MYO9A: variants seen among roughly 807,000 people sequenced by gnomAD.
MYO9A encodes unconventional myosin-IXa.
In MYO9A, 103 loss-of-function variants were observed where a neutral mutation model predicts 293.3. The observed-to-expected ratio is 0.35, with a 90% CI of 0.30 to 0.41. The LOEUF (loss-of-function observed/expected upper bound fraction) is 0.41, where lower values mean the gene tolerates loss of function less well. Among genes scored for constraint, MYO9A ranks in the 10% least tolerant of loss-of-function variants. The pLI is 1.00. For synonymous variants in MYO9A, 1,001 were observed against 1,035.7 expected, an observed-to-expected ratio of 0.97 and a Z score of 0.64; for missense variants, 2,685 against 3,033.0, an observed-to-expected ratio of 0.89 and a Z score of 2.69.
intron 6 of MYO9A, among the ~76,000 whole-genome samples, chr15:72,017,607 A>T (rs1228112015): frequency 1.3e-5 from 2 of 152,138 alleles, no homozygotes; most frequent in African/African-American, 4.8e-5. Context: ...CTCCAAAATT[A>T]CTTGGTTATG....
At position 71,905,762 on chromosome 15, in the gene MYO9A, C is replaced by CAAAAAA. The variant is rs3086807; in HGVS notation, c.2686-762_2686-757dup. Reference sequence around the variant, plus strand: ...TGCGCAACAAAGTGAGACTCTGTCTCAAAAAAAAAAAAAAAAAAAAAAAAA... The same window carrying CAAAAAA: ...TGCGCAACAAAGTGAGACTCTGTCTCAAAAAAAAAAAAAAAAAAAAAAAAAAAAAAA... On this transcript the variant is annotated intron_variant, in intron 19 of 41. Transcript: ENST00000356056. Among the ~76,000 whole-genome samples, 166 of 71,886 alleles carry CAAAAAA rather than the reference C, an allele frequency of 2.3e-3. 9 individuals carry two copies. Among genetic ancestry groups the CAAAAAA allele is most frequent in the African/African-American group, 8.4e-3 (140 of 16,756 alleles). 47.2% of individuals were successfully genotyped at this position (71,886 alleles called of 152,430 possible).
intron 39 of MYO9A, among the ~76,000 whole-genome samples, chr15:71,841,446 T>C (rs1490729005): frequency 6.6e-6 from 1 of 152,204 alleles, no homozygotes; most frequent in Non-Finnish European, 1.5e-5. Context: ...TATCAAATGC[T>C]TTTAAAATAT....
At chr15:71,980,531 T>C (rs1268121041) in intron 11 of MYO9A, among the ~76,000 whole-genome samples, 2 of 152,196 alleles carry the variant, frequency 1.3e-5, no homozygotes. Flanking sequence ...ATGACGTGCT[T>C]GTATTCATGA....
Position 71,951,906 on chromosome 15 carries a change from C to CA in MYO9A, c.2183-11dup, listed in dbSNP as rs142383123. ...GCTGTATCATCATGTCCTTAGGAAG[C>CA]AAAAAAAAACAAACAAAAAAAAAAG... is the stretch of plus-strand genomic sequence containing the variant. On this transcript the variant is annotated splice_polypyrimidine_tract_variant and intron_variant, in intron 14 of 41. Transcript: ENST00000356056. 8.7e-4 allele frequency: 1,193 copies of CA among 1,374,188 alleles called. 1 individual carries two copies. Among genetic ancestry groups the CA allele is most frequent in the East Asian group, 5.4e-3 (202 of 37,530 alleles). The allele number at this position is 1,374,188 out of a possible 1,614,324, so 85.1% of individuals were successfully genotyped here. A position where few individuals can be genotyped will look rare whatever the true frequency, so the allele number is the denominator to read the frequency against.
At chr15:71,966,079 G>A (rs901023566) in intron 13 of MYO9A, among the ~76,000 whole-genome samples, 2 of 151,846 alleles carry the variant, frequency 1.3e-5, no homozygotes, top group African/African-American at 4.8e-5. Flanking sequence ...GTTTCACCAC[G>A]TTGACCAGGC....
chr15:71,955,498 A>AT (rs1359043444), intron 14 of MYO9A, among the ~76,000 whole-genome samples: 3 of 152,126 alleles, frequency 2.0e-5, no homozygotes, highest in Non-Finnish European at 2.9e-5. Context: ...TTTGCTGAGG[A>AT]TTTTTTGTGA....
intron 11 of MYO9A, among the ~76,000 whole-genome samples, chr15:71,986,958 G>A (rs922831014): frequency 5.3e-5 from 8 of 152,230 alleles, no homozygotes; most frequent in African/African-American, 1.9e-4. Flanking sequence ...CTCCAGTCCT[G>A]CAAGCTCTAA....
Position 71,824,254 on chromosome 15 carries a change from T to C in MYO9A, c.*2326A>G, listed in dbSNP as rs1242094864. 6.6e-6 allele frequency: 1 copy of C among 152,156 alleles called. No homozygotes were observed. The highest frequency in any genetic ancestry group is 1.9e-4 in the East Asian group (1 of 5,194). The allele number at this position is 152,156 out of a possible 1,614,324, so 9.4% of individuals were successfully genotyped here. ...GGAGTTTCAGGTCCCTGAGAAAAATTATAAAGTCTCTTAACATCCATCACC... is the reference window on the plus strand; with the variant it reads ...GGAGTTTCAGGTCCCTGAGAAAAATCATAAAGTCTCTTAACATCCATCACC... On this transcript the variant is annotated 3_prime_UTR_variant, in exon 42 of 42. Coordinates refer to ENST00000356056, the MANE Select transcript of MYO9A (RefSeq NM_006901.4).
Position 71,850,808 on chromosome 15 carries a change from A to G in MYO9A, c.6581+445T>C, listed in dbSNP as rs1444108121. On this transcript the variant is annotated intron_variant, in intron 37 of 41. Coordinates refer to ENST00000356056, the MANE Select transcript of MYO9A (RefSeq NM_006901.4). ...AAAAAAAAAAAAAAAAAAAGAATGC[A>G]GAGTAGAGGCTTTAACCAAAAATAA... Among the ~76,000 whole-genome samples, 3 of 137,460 alleles carry G rather than the reference A, an allele frequency of 2.2e-5. No homozygotes were observed. In the East Asian group the frequency reaches 6.5e-4, roughly 30 times the overall value. 90.2% of individuals were successfully genotyped at this position (137,460 alleles called of 152,430 possible).
In MYO9A at chr15:71,823,751, A is replaced by G. The variant is rs929535243; in HGVS notation, c.*2829T>C. ...ATTCAGGTTTTGTTTGGGGCTGGGA[A>G]TGTGTGCTGTGAGAAGAGTGCTCTG... is the stretch of plus-strand genomic sequence containing the variant. On this transcript the variant is annotated 3_prime_UTR_variant, in exon 42 of 42. Coordinates refer to ENST00000356056, the MANE Select transcript of MYO9A (RefSeq NM_006901.4). The G allele has an allele frequency of 6.6e-6, 1 of 152,200 alleles. No homozygotes were observed. Among genetic ancestry groups the G allele is most frequent in the African/African-American group, 2.4e-5 (1 of 41,446 alleles). The allele number at this position is 152,200 out of a possible 1,614,324, so 9.4% of individuals were successfully genotyped here.
intron 1 of MYO9A, among the ~76,000 whole-genome samples, chr15:72,104,026 T>TA (rs2080483590): frequency 6.6e-6 from 1 of 152,240 alleles, no homozygotes. Flanking sequence ...CGGTTCAACT[T>TA]ACAGTTTTTC....
intron 6 of MYO9A, among the ~76,000 whole-genome samples, chr15:72,013,694 G>C (rs2077239694): frequency 6.6e-6 from 1 of 152,228 alleles, no homozygotes; most frequent in African/African-American, 2.4e-5. Context: ...CTAGCATGGA[G>C]TAGGCAATTA....
rs548100095 is a variant in MYO9A, at chr15:71,826,495, A to G, written c.*85T>C. 10 of 1,289,748 alleles carry G rather than the reference A, an allele frequency of 7.8e-6. No individual in the cohort carries two copies. The South Asian group carries it at 1.3e-4, about 17-fold the overall frequency. The allele number at this position is 1,289,748 out of a possible 1,614,324, so 79.9% of individuals were successfully genotyped here. ...GGCAGGACCACAATTAGGATTGACT[A>G]TTGTGGACGAGGTGATGAAACGCAG... On this transcript the variant is annotated 3_prime_UTR_variant, in exon 42 of 42. Transcript: ENST00000356056.
rs1166383859 is a variant in MYO9A at position 72,069,874 on chromosome 15, T to C, written c.-71-23240A>G. 1.6e-4 allele frequency among the ~76,000 whole-genome samples: 24 copies of C among 151,744 alleles called. 1 individual carries two copies. Among genetic ancestry groups the C allele is most frequent in the Non-Finnish European group, 7.4e-5 (5 of 67,938 alleles). On this transcript the variant is annotated intron_variant, in intron 1 of 41. Coordinates refer to ENST00000356056, the MANE Select transcript of MYO9A (RefSeq NM_006901.4). ...GGCTCACGCCTGTAATCCCAGCACT[T>C]TGGGAGGCTGAGGTGGGTGGACTGC...
intron 4 of MYO9A, among the ~76,000 whole-genome samples, chr15:72,026,405 C>T (rs1253092368): frequency 1.3e-5 from 2 of 150,174 alleles, no homozygotes; most frequent in Non-Finnish European, 3.0e-5. Flanking sequence ...TAAAATACTC[C>T]AAGATGCACA....
chr15:71,893,411 A>C (rs1250150422), intron 26 of MYO9A: 1 of 479,252 alleles, frequency 2.1e-6, no homozygotes, highest in Admixed American at 3.6e-5. Context: ...CTACATAGCC[A>C]AAGAAGTCAT....
chr15:71,986,891 G>A (rs1307619633), intron 11 of MYO9A, among the ~76,000 whole-genome samples: 1 of 152,150 alleles, frequency 6.6e-6, no homozygotes, highest in African/African-American at 2.4e-5. Context: ...ACTAGTGTGT[G>A]TACAGTAATG....
chr15:71,848,465 T>C (rs2055487333), intron 39 of MYO9A, among the ~76,000 whole-genome samples: 1 of 151,926 alleles, frequency 6.6e-6, no homozygotes, highest in South Asian at 2.1e-4. Context: ...ATCCCAGGGG[T>C]CTTGGCAGGA....
intron 3 of MYO9A, 63 bp from the exon 4 acceptor site, chr15:72,027,856 T>G (rs549555417): frequency 1.2e-4 from 137 of 1,175,134 alleles, no homozygotes; most frequent in Non-Finnish European, 1.7e-4. Context: ...AGAAAAATAT[T>G]TGGAGACAGT....
Sources: gnomAD v4.1 joint callset for allele counts (sites outside exome capture counted in the v4.1 genomes callset) on GRCh38, gnomAD v4.1.1 for gene constraint, MANE v1.5 for transcripts, NCBI Gene and HGNC (gene_info 2026-07-23, HGNC 2026-07-21) for gene names.